The following SCARA3 variants were observed in gnomAD, a reference collection of about 807,000 sequenced individuals.
SCARA3 encodes cellular stress response gene protein.
SCARA3 carries 39 observed loss-of-function variants against 47.0 expected under a neutral mutation model. The ratio of observed to expected loss-of-function variants is 0.83; its 90% CI spans 0.64 to 1.08. The LOEUF is 1.08. Among genes scored for constraint, SCARA3 ranks in the 50% least tolerant of loss-of-function variants. The probability of loss-of-function intolerance (pLI) is 0.00; values close to 1 mark genes in which losing one functional copy is unlikely to be tolerated. For synonymous variants in SCARA3, 356 were observed against 334.1 expected (o/e 1.07, Z -0.71); for missense variants, 724 against 792.3 (o/e 0.91, Z 1.04).
intron 1 of SCARA3, among the ~76,000 whole-genome samples, chr8:27,641,164 A>G (rs965013847): frequency 1.3e-5 from 2 of 152,190 alleles, no homozygotes; most frequent in Non-Finnish European, 2.9e-5. Flanking sequence ...TAATTGTGTA[A>G]TTATTCTCTT....
chr8:27,634,705 C>T (rs558627676), intron 1 of SCARA3, among the ~76,000 whole-genome samples: 1 of 152,298 alleles, frequency 6.6e-6, no homozygotes, highest in Non-Finnish European at 1.5e-5. Context: ...AGGCCCTGCC[C>T]TTCCCAACCC....
At chr8:27,666,317 A>G (rs976762760) in intron 5 of SCARA3, among the ~76,000 whole-genome samples, 2 of 152,198 alleles carry the variant, frequency 1.3e-5, no homozygotes. Flanking sequence ...GCTGACTTCA[A>G]TGAGTCTTCT....
At chr8:27,648,789 TAA>T (rs1330282895) in intron 1 of SCARA3, among the ~76,000 whole-genome samples, 1 of 133,892 alleles carries the variant, frequency 7.5e-6, no homozygotes, top group Non-Finnish European at 1.6e-5. Context: ...AAGAAAGAGA[TAA>T]AGAGAGAGGG....
the SCARA3 span, among the ~76,000 whole-genome samples, chr8:27,731,020 C>T: frequency 6.6e-6 from 1 of 150,718 alleles, no homozygotes; most frequent in South Asian, 2.1e-4. Flanking sequence ...GGGGCGTTAA[C>T]AGAGGGCCTG....
downstream of SCARA3, among the ~76,000 whole-genome samples, chr8:27,677,563 T>G (rs532901468): frequency 2.0e-5 from 3 of 152,244 alleles, no homozygotes; most frequent in South Asian, 6.2e-4. Context: ...AAAACCACTG[T>G]AGTTCTAGAG....
the SCARA3 span, chr8:27,733,369 G>A: frequency 6.6e-6 from 1 of 152,150 alleles, no homozygotes; most frequent in Admixed American, 6.5e-5. Context: ...ATTCATTCAG[G>A]ACATGCTGCA....
At chr8:27,647,383 C>T (rs779951) in intron 1 of SCARA3, among the ~76,000 whole-genome samples, 27,970 of 152,138 alleles carry the variant, frequency 0.18, 3,144 homozygotes, top group Middle Eastern at 0.33. Flanking sequence ...CCCCAGGTCT[C>T]CTTTGTCGCC....
rs1365009541 is a variant in SCARA3 at position 27,656,850 on chromosome 8, G to C, written c.295G>C (p.Val99Leu). The stretch of plus-strand genomic sequence containing the variant: ...CCAGTCTATTTATGACAAGAAGCTT[G>C]TGTTAATGCAGAAAAATCTCCAGGG... The part of the protein sequence containing the change: ...LTQSIYDKKL[V>L]LMQKNLQGLD... The change falls in exon 4 of 6, where the codon GTG becomes CTG. Residue 99 changes from valine to leucine, a missense_variant. Transcript: ENST00000301904. 1.2e-6 allele frequency: 2 copies of C among 1,611,916 alleles called. No individual in the cohort carries two copies. The highest frequency in any genetic ancestry group is 1.7e-6 in the Non-Finnish European group (2 of 1,177,956).
the SCARA3 span, among the ~76,000 whole-genome samples, chr8:27,728,750 G>A: frequency 6.6e-6 from 1 of 152,164 alleles, no homozygotes; most frequent in Non-Finnish European, 1.5e-5. Context: ...TTGGCTGGGC[G>A]GGATGGCTCA....
At chr8:27,667,813 C>T (rs1006358668) in intron 5 of SCARA3, among the ~76,000 whole-genome samples, 4 of 152,308 alleles carry the variant, frequency 2.6e-5, no homozygotes, top group East Asian at 1.9e-4. Context: ...ACACGGGCAG[C>T]GAGGGAGGCT....
chr8:27,658,230 A>G (rs565444635), intron 4 of SCARA3, among the ~76,000 whole-genome samples: 9 of 152,338 alleles, frequency 5.9e-5, no homozygotes, highest in East Asian at 5.8e-4. Flanking sequence ...AAAATTATGA[A>G]GATACATTCT....
At chr8:27,710,015 G>A in the SCARA3 span, among the ~76,000 whole-genome samples, 2 of 152,130 alleles carry the variant, frequency 1.3e-5, no homozygotes, top group African/African-American at 4.8e-5. Flanking sequence ...CGGATCATGA[G>A]GTCAGGAGAT....
At chr8:27,636,289 C>T (rs567072114) in intron 1 of SCARA3, among the ~76,000 whole-genome samples, 13 of 152,154 alleles carry the variant, frequency 8.5e-5, no homozygotes, top group Non-Finnish European at 1.6e-4. Context: ...AGACAAGCAC[C>T]AGCAGGGTGT....
At chr8:27,654,399 C>G (rs531938660) in intron 3 of SCARA3, among the ~76,000 whole-genome samples, 2 of 152,112 alleles carry the variant, frequency 1.3e-5, no homozygotes, top group Non-Finnish European at 2.9e-5. Flanking sequence ...AAAATCATGT[C>G]TAAAAAGTGA....
the SCARA3 span, among the ~76,000 whole-genome samples, chr8:27,695,770 C>G: frequency 1.6e-4 from 24 of 151,996 alleles, no homozygotes; most frequent in Admixed American, 3.9e-4. Flanking sequence ...AATTTAATGG[C>G]ACATTGGAAA....
the SCARA3 span, among the ~76,000 whole-genome samples, chr8:27,720,367 G>A: frequency 0.16 from 24,277 of 151,882 alleles, 2,713 homozygotes; most frequent in African/African-American, 0.32. Context: ...TTACAAACAC[G>A]AAATTAGAGA....
Position 27,671,641 on chromosome 8 carries a change from TGCACACACACATGCAC to T in SCARA3, c.*307_*322del, listed in dbSNP as rs1490685615. 24 of 1,129,212 alleles carry T rather than the reference TGCACACACACATGCAC, an allele frequency of 2.1e-5. No homozygotes were observed. In the South Asian group the frequency reaches 2.7e-4, roughly 13 times the overall value. 69.9% of individuals were successfully genotyped at this position (1,129,212 alleles called of 1,614,324 possible). A position where few individuals can be genotyped will look rare whatever the true frequency, so the allele number is the denominator to read the frequency against. On this transcript the variant is annotated 3_prime_UTR_variant, in exon 6 of 6. Transcript: ENST00000301904. ...GCACACATACACAGGCATACATGCA[TGCACACACACATGCAC>T]GCACACACACATGCACACATACACG...
the SCARA3 span, among the ~76,000 whole-genome samples, chr8:27,688,724 G>A: frequency 1.3e-5 from 2 of 152,046 alleles, no homozygotes; most frequent in African/African-American, 2.4e-5. Flanking sequence ...ATGGCTATAG[G>A]GGCATTCAGG....
At chr8:27,655,264 A>G (rs1456827838) in intron 3 of SCARA3, among the ~76,000 whole-genome samples, 1 of 151,866 alleles carries the variant, frequency 6.6e-6, no homozygotes, top group Admixed American at 6.6e-5. Context: ...CACCCAACAA[A>G]TGTGATGTAA....
Sources: allele counts gnomAD v4.1 joint callset (sites outside exome capture counted in the v4.1 genomes callset), GRCh38; gene constraint gnomAD v4.1.1; transcripts MANE v1.5; gene names NCBI Gene and HGNC (gene_info 2026-07-23, HGNC 2026-07-21).